The following PTPRD variants were observed in gnomAD, a reference collection of about 807,000 sequenced individuals.
PTPRD encodes receptor-type tyrosine-protein phosphatase delta.
A neutral mutation model predicts 214.5 loss-of-function variants in PTPRD; 34 were observed. The observed-to-expected ratio is 0.16, with a 90% CI of 0.12 to 0.21. PTPRD has a LOEUF of 0.21. Among genes scored for constraint, PTPRD ranks in the 10% least tolerant of loss-of-function variants. The pLI is 1.00. For synonymous variants in PTPRD, 1,128 were observed against 845.7 expected (o/e 1.33, Z -5.79); for missense variants, 2,545 against 2,398.7 (o/e 1.06, Z -1.27).
intron 9 of PTPRD, among the ~76,000 whole-genome samples, chr9:9,206,538 G>C (rs930573051): frequency 6.6e-6 from 1 of 152,258 alleles, no homozygotes; most frequent in African/African-American, 2.4e-5. Flanking sequence ...TAACATGTGA[G>C]TCAGTGGACT....
At chr9:10,034,042 A>G (rs1347160658) in intron 3 of PTPRD, among the ~76,000 whole-genome samples, 1 of 152,128 alleles carries the variant, frequency 6.6e-6, no homozygotes, top group East Asian at 1.9e-4. Context: ...TATCATTAAA[A>G]TGGCTATACT....
At chr9:8,388,247 T>C (rs998492509) in intron 37 of PTPRD, among the ~76,000 whole-genome samples, 2 of 152,204 alleles carry the variant, frequency 1.3e-5, no homozygotes, top group Non-Finnish European at 2.9e-5. Context: ...CTTCCATGTG[T>C]TGAGCTTAGA....
chr9:10,454,031 A>T (rs1294746638), intron 2 of PTPRD, among the ~76,000 whole-genome samples: 1 of 151,700 alleles, frequency 6.6e-6, no homozygotes, highest in Non-Finnish European at 1.5e-5. Flanking sequence ...GAAAACAAGC[A>T]TAATACAAGA....
intron 39 of PTPRD, among the ~76,000 whole-genome samples, chr9:8,355,482 G>A (rs879696958): frequency 2.0e-5 from 3 of 152,184 alleles, no homozygotes; most frequent in Non-Finnish European, 2.9e-5. Flanking sequence ...ATAAGAGCTA[G>A]TATTAAGTGT....
chr9:10,462,107 G>C (rs553619990), intron 2 of PTPRD, among the ~76,000 whole-genome samples: 2 of 151,596 alleles, frequency 1.3e-5, no homozygotes, highest in African/African-American at 4.9e-5. Context: ...AGGAATGATA[G>C]TTAGCGTATT....
chr9:9,860,527 T>C (rs1292483976), intron 5 of PTPRD, among the ~76,000 whole-genome samples: 1 of 152,184 alleles, frequency 6.6e-6, no homozygotes, highest in Non-Finnish European at 1.5e-5. Flanking sequence ...TTCTGGATAG[T>C]TGTTGTTGCC....
chr9:8,375,532 T>G (rs1268759208), intron 39 of PTPRD, among the ~76,000 whole-genome samples: 2 of 151,810 alleles, frequency 1.3e-5, no homozygotes, highest in East Asian at 1.9e-4. Context: ...ATTATTTTGT[T>G]CAGTAATTTT....
At chr9:10,504,981 T>C (rs1397733707) in intron 2 of PTPRD, among the ~76,000 whole-genome samples, 1 of 152,180 alleles carries the variant, frequency 6.6e-6, no homozygotes, top group Non-Finnish European at 1.5e-5. Context: ...TCTACATACA[T>C]ATCAAGCAAT....
Position 9,530,806 on chromosome 9 carries a change from C to T in PTPRD, c.-237+43926G>A, listed in dbSNP as rs533831806. Among the ~76,000 whole-genome samples the T allele has an allele frequency of 2.6e-5, 4 of 152,158 alleles. No individual in the cohort carries two copies. In the South Asian group the frequency reaches 6.2e-4, roughly 24 times the overall value. ...CAGAAACACAGATACTGCATATTTT[C>T]ACTCATATGTCAGGGCTAAAAATGC... On this transcript the variant is annotated intron_variant, in intron 8 of 45. Transcript: ENST00000381196.
In PTPRD at chr9:10,252,360, C is replaced by T. The variant is rs150320269; in HGVS notation, c.-545+88603G>A. Among the ~76,000 whole-genome samples, 395 of 152,168 alleles carry T rather than the reference C, an allele frequency of 2.6e-3. 2 individuals are homozygous for T. The highest frequency in any genetic ancestry group is 6.8e-3 in the Middle Eastern group (2 of 294). On this transcript the variant is annotated intron_variant, in intron 3 of 45. Coordinates refer to ENST00000381196, the MANE Select transcript of PTPRD (RefSeq NM_002839.4). ...CCAGTCACCATGCTGTGAGTAATCA[C>T]AGGCCACAAGTAGAGGTTATGTGTA... is the stretch of plus-strand genomic sequence containing the variant.
At chr9:8,860,185 T>C (rs544989260) in intron 11 of PTPRD, 2 of 152,318 alleles carry the variant, frequency 1.3e-5, no homozygotes, top group Non-Finnish European at 2.9e-5. Context: ...TGCTGTTACT[T>C]TTGTGGGAAA....
At chr9:8,533,435 T>A (rs1205235394) in intron 14 of PTPRD, among the ~76,000 whole-genome samples, 1 of 152,024 alleles carries the variant, frequency 6.6e-6, no homozygotes, top group Admixed American at 6.6e-5. Flanking sequence ...GTCAATTACA[T>A]CAATTACATC....
At chr9:10,272,508 G>A (rs1329788634) in intron 3 of PTPRD, among the ~76,000 whole-genome samples, 2 of 152,122 alleles carry the variant, frequency 1.3e-5, no homozygotes, top group Non-Finnish European at 2.9e-5. Context: ...ATAACTCACT[G>A]TTAAACACAT....
At chr9:10,085,216 T>C (rs1277765294) in intron 3 of PTPRD, among the ~76,000 whole-genome samples, 1 of 151,892 alleles carries the variant, frequency 6.6e-6, no homozygotes, top group African/African-American at 2.4e-5. Context: ...AATAAGTATA[T>C]ACCAATTTTG....
intron 3 of PTPRD, among the ~76,000 whole-genome samples, chr9:10,152,893 T>A (rs548829826): frequency 6.6e-6 from 1 of 152,206 alleles, no homozygotes; most frequent in South Asian, 2.1e-4. Context: ...GAACATTTTA[T>A]TTACTAAGTG....
Position 8,702,027 on chromosome 9 carries a change from C to T in PTPRD, c.64+31753G>A, listed in dbSNP as rs557514333. ...TTTGGCTTTAGATCTGATAGAAGGC[C>T]TTGGCAGACCACTTTATTTTTTTTA... On this transcript the variant is annotated intron_variant, in intron 12 of 45. Coordinates refer to ENST00000381196, the MANE Select transcript of PTPRD (RefSeq NM_002839.4). Among the ~76,000 whole-genome samples the T allele has an allele frequency of 2.6e-5, 4 of 152,196 alleles. No homozygotes were observed. The South Asian group carries it at 8.3e-4, about 32-fold the overall frequency.
At chr9:8,572,787 G>A (rs1227326909) in intron 14 of PTPRD, among the ~76,000 whole-genome samples, 1 of 151,584 alleles carries the variant, frequency 6.6e-6, no homozygotes, top group African/African-American at 2.4e-5. Flanking sequence ...ACCATATTTT[G>A]CATATTATTT....
At chr9:9,088,398 G>A (rs532202215) in intron 10 of PTPRD, among the ~76,000 whole-genome samples, 7 of 151,344 alleles carry the variant, frequency 4.6e-5, no homozygotes, top group African/African-American at 1.7e-4. Flanking sequence ...TGACCAACAT[G>A]GTGAAACCCT....
chr9:8,776,561 T>G (rs553995190), intron 11 of PTPRD, among the ~76,000 whole-genome samples: 100 of 151,900 alleles, frequency 6.6e-4, no homozygotes, highest in African/African-American at 2.2e-3. Context: ...CAAAGTGCTG[T>G]GATTACAGGA....
Sources: gnomAD v4.1 joint callset for allele counts (sites outside exome capture counted in the v4.1 genomes callset) on GRCh38, gnomAD v4.1.1 for gene constraint, MANE v1.5 for transcripts, NCBI Gene and HGNC (gene_info 2026-07-23, HGNC 2026-07-21) for gene names.